The following VPS26B variants were observed in gnomAD, a reference collection of about 807,000 sequenced individuals.
VPS26B encodes VPS26 retromer complex component B.
In VPS26B, 10 loss-of-function variants were observed where a neutral mutation model predicts 33.3. The ratio of observed to expected loss-of-function variants is 0.30; its 90% confidence interval spans 0.19 to 0.51. The LOEUF is 0.51. Ranked by LOEUF, VPS26B falls within the 20% of genes least tolerant of loss-of-function variation. The probability of loss-of-function intolerance (pLI) is 0.98; values close to 1 mark genes in which losing one functional copy is unlikely to be tolerated. For synonymous variants in VPS26B, 190 were observed against 176.9 expected (o/e 1.07, Z -0.59); for missense variants, 317 against 452.7 (o/e 0.70, Z 2.72).
intron 2 of VPS26B, among the ~76,000 whole-genome samples, chr11:134,237,610 G>A (rs920598497): frequency 2.6e-5 from 4 of 152,216 alleles, no homozygotes; most frequent in African/African-American, 9.7e-5. Context: ...AGCACAAGGA[G>A]AGGAGAGCCA....
Position 134,225,225 on chromosome 11 carries a change from G to A in VPS26B, c.103G>A (p.Glu35Lys), listed in dbSNP as rs1425956800. 5.0e-6 allele frequency: 8 copies of A among 1,614,044 alleles called. No individual in the cohort carries two copies. The highest frequency in any genetic ancestry group is 1.7e-5 in the Admixed American group (1 of 60,012). Residue 35 changes from glutamate to lysine, a missense_variant, in exon 1 of 6, where the codon GAG becomes AAG. Glu to Lys is a moderately conservative substitution (Grantham distance 56). Coordinates refer to ENST00000281187, the MANE Select transcript of VPS26B (RefSeq NM_052875.5). ...AEHKTEDGKK[E>K]KYFLFYDGET... The stretch of plus-strand genomic sequence containing the variant: ...GCACAAGACGGAGGACGGGAAGAAG[G>A]AGAAATATTTCCTCTTCTACGACGG...
Position 134,225,282 on chromosome 11 carries a change from C to T in VPS26B, c.160C>T (p.Leu54Phe), listed in dbSNP as rs1938428367. The T allele has an allele frequency of 6.2e-7, 1 of 1,614,058 alleles. No individual in the cohort carries two copies. Among genetic ancestry groups the T allele is most frequent in the African/African-American group, 1.3e-5 (1 of 74,938 alleles). The change falls in exon 1 of 6, where the codon CTC (leucine) becomes TTC (phenylalanine). Residue 54 changes from leucine to phenylalanine, a missense_variant. Coordinates refer to ENST00000281187, the MANE Select transcript of VPS26B (RefSeq NM_052875.5). Reference protein sequence around the residue: ...ETVSGKVSLALKNPNKRLEHQ... With the variant: ...ETVSGKVSLAFKNPNKRLEHQ... Reference sequence around the variant, plus strand: ...GGTCTCCGGGAAGGTGAGCCTTGCCCTCAAGAACCCCAACAAGCGGCTGGA... The same window carrying T: ...GGTCTCCGGGAAGGTGAGCCTTGCCTTCAAGAACCCCAACAAGCGGCTGGA...
intron 3 of VPS26B, among the ~76,000 whole-genome samples, chr11:134,242,058 A>G (rs576078172): frequency 1.3e-5 from 2 of 152,334 alleles, no homozygotes; most frequent in East Asian, 3.9e-4. Context: ...GCTTACACCT[A>G]GAGCAGCTTT....
chr11:134,243,916 C>T (rs577411228), intron 4 of VPS26B: 7 of 152,396 alleles, frequency 4.6e-5, no homozygotes, highest in African/African-American at 1.2e-4. Flanking sequence ...TTACATTCTT[C>T]ATTGGCTCTT....
chr11:134,245,555 C>G lies in VPS26B; in HGVS notation c.976C>G (p.Pro326Ala). The change falls in exon 6 of 6, where the codon CCC (proline) becomes GCC (alanine). Residue 326 changes from proline to alanine, a missense_variant. Transcript: ENST00000281187. This position sits in a 1 kb window ranked among gnomAD's most constrained non-coding sequence, Gnocchi z 4.7. ...GTTSLGEVRT[P>A]SQLSDNNCRQ is the part of the protein sequence containing the mutation. ...CACCTCCCTGGGTGAGGTGCGGACC[C>G]CCAGCCAGCTGTCTGACAACAACTG... 2 of 1,612,892 alleles carry G rather than the reference C, an allele frequency of 1.2e-6. No individual in the cohort carries two copies. Among genetic ancestry groups the G allele is most frequent in the Non-Finnish European group, 1.7e-6 (2 of 1,179,928 alleles).
At chr11:134,237,695 G>C (rs1329586234) in intron 2 of VPS26B, among the ~76,000 whole-genome samples, 1 of 152,154 alleles carries the variant, frequency 6.6e-6, no homozygotes, top group Non-Finnish European at 1.5e-5. Context: ...CGCGGGAAGA[G>C]TGTTTCAAGG....
intron 1 of VPS26B, among the ~76,000 whole-genome samples, chr11:134,232,939 G>A (rs1033782895): frequency 2.0e-5 from 3 of 152,118 alleles, no homozygotes; most frequent in Non-Finnish European, 4.4e-5. Context: ...CCGCGGCTCC[G>A]CTTCTGCCTG....
chr11:134,241,724 C>T (rs567483716), intron 3 of VPS26B, among the ~76,000 whole-genome samples: 2 of 152,314 alleles, frequency 1.3e-5, no homozygotes, highest in Non-Finnish European at 2.9e-5. Context: ...GAGGCAGGGA[C>T]GGGACACTTT....
chr11:134,242,489 G>A (rs996106999), intron 3 of VPS26B, among the ~76,000 whole-genome samples: 2 of 152,206 alleles, frequency 1.3e-5, no homozygotes, highest in Non-Finnish European at 2.9e-5. Context: ...TGCCTGATAC[G>A]GGCTGTGCAC....
In VPS26B at chr11:134,240,331, C is replaced by T. The variant is rs1482385743; in HGVS notation, c.545+176C>T. Among the ~76,000 whole-genome samples, 1 of 152,090 alleles carries T rather than the reference C, an allele frequency of 6.6e-6. No homozygotes were observed. Among genetic ancestry groups the T allele is most frequent in the African/African-American group, 2.4e-5 (1 of 41,414 alleles). On this transcript the variant is annotated intron_variant, in intron 3 of 5. Transcript: ENST00000281187. The surrounding 1 kb of genome is among the most constrained non-coding windows in gnomAD (Gnocchi z 4.4). ...CTATGGCAGGCCAGCTGCAGCTGGA[C>T]CGACCACGACGTAAACACTTCATTT...
intron 1 of VPS26B, among the ~76,000 whole-genome samples, chr11:134,233,124 A>G (rs1397007882): frequency 6.6e-6 from 1 of 152,190 alleles, no homozygotes; most frequent in Non-Finnish European, 1.5e-5. Context: ...ATTGTTTGTA[A>G]TAAAAGATTG....
chr11:134,238,832 T>A (rs1170507438), intron 2 of VPS26B, among the ~76,000 whole-genome samples: 1 of 151,956 alleles, frequency 6.6e-6, no homozygotes, highest in East Asian at 1.9e-4. Flanking sequence ...CCTGACCTCG[T>A]GATCCGCCCG....
Position 134,245,328 on chromosome 11 carries a change from G to A in VPS26B, c.865-116G>A. 2 of 1,469,096 alleles carry A rather than the reference G, an allele frequency of 1.4e-6. No homozygotes were observed. The highest frequency in any genetic ancestry group is 1.8e-6 in the Non-Finnish European group (2 of 1,082,434). 91.0% of individuals were successfully genotyped at this position (1,469,096 alleles called of 1,614,324 possible). Reference sequence around the variant, plus strand: ...CTGGCAGCTGCTGCCTTTGGTGAGAGAGAAGCAGAGGAGGTCCTTGCCCGA... The same window carrying A: ...CTGGCAGCTGCTGCCTTTGGTGAGAAAGAAGCAGAGGAGGTCCTTGCCCGA... On this transcript the variant is annotated intron_variant, in intron 5 of 5. Coordinates refer to ENST00000281187, the MANE Select transcript of VPS26B (RefSeq NM_052875.5). The surrounding 1 kb of genome is among the most constrained non-coding windows in gnomAD (Gnocchi z 4.7).
chr11:134,240,774 C>T lies in VPS26B; in HGVS notation c.545+619C>T, dbSNP rs964212071. ...CCGCCACACCCAGCTAATTTGTGTC[C>T]GTGTGTGTGTGTGTGTGTCCGTGTG... On this transcript the variant is annotated intron_variant, in intron 3 of 5. Transcript: ENST00000281187. This position sits in a 1 kb window ranked among gnomAD's most constrained non-coding sequence, Gnocchi z 4.4. Among the ~76,000 whole-genome samples, 6 of 138,014 alleles carry T rather than the reference C, an allele frequency of 4.3e-5. No homozygotes were observed. Among genetic ancestry groups the T allele is most frequent in the African/African-American group, 1.3e-4 (5 of 37,796 alleles). The allele number at this position is 138,014 out of a possible 152,430, so 90.5% of individuals were successfully genotyped here.
At chr11:134,239,493 A>G (rs1033986297) in intron 2 of VPS26B, among the ~76,000 whole-genome samples, 4 of 152,228 alleles carry the variant, frequency 2.6e-5, no homozygotes, top group Non-Finnish European at 5.9e-5. Flanking sequence ...AACTTAAGAA[A>G]GGTTTATTGG....
chr11:134,231,628 A>G (rs1367249056), intron 1 of VPS26B, among the ~76,000 whole-genome samples: 1 of 151,602 alleles, frequency 6.6e-6, no homozygotes, highest in Non-Finnish European at 1.5e-5. Flanking sequence ...GCAATGGCAC[A>G]ATCTCAGCTC....
intron 2 of VPS26B, among the ~76,000 whole-genome samples, chr11:134,238,817 G>C (rs991605788): frequency 2.0e-5 from 3 of 151,788 alleles, no homozygotes; most frequent in Admixed American, 6.6e-5. Context: ...GGATGGTCTC[G>C]ATCTCCTGAC....
At position 134,235,115 on chromosome 11, in the gene VPS26B, T is replaced by C. The variant is rs576142266; in HGVS notation, c.380+62T>C. 7.0e-5 allele frequency: 108 copies of C among 1,548,828 alleles called. 1 individual carries two copies. The African/African-American group carries it at 1.3e-3, about 19-fold the overall frequency. The stretch of plus-strand genomic sequence containing the variant: ...AACCTGCCCCATGTGGACAAGGACC[T>C]GAGGCCGTCCCCACTTTGAGAATCT... On this transcript the variant is annotated intron_variant, in intron 2 of 5. Coordinates refer to ENST00000281187, the MANE Select transcript of VPS26B (RefSeq NM_052875.5).
In VPS26B at chr11:134,225,295, A is replaced by G. The variant is rs1023897341; in HGVS notation, c.173A>G (p.Asn58Ser). 13 of 1,613,804 alleles carry G rather than the reference A, an allele frequency of 8.1e-6. No individual in the cohort carries two copies. The highest frequency in any genetic ancestry group is 3.3e-5 in the Admixed American group (2 of 59,994). Reference protein sequence around the residue: ...GKVSLALKNPNKRLEHQGIKI... With the variant: ...GKVSLALKNPSKRLEHQGIKI... ...GTGAGCCTTGCCCTCAAGAACCCCA[A>G]CAAGCGGCTGGAGCACCAGGGCATC... The change falls in exon 1 of 6, where the codon AAC (asparagine) becomes AGC (serine). Residue 58 changes from asparagine (N) to serine (S), a missense_variant. By Grantham distance (46) the Asn-to-Ser change is conservative (BLOSUM62 1). Transcript: ENST00000281187.
Sources: gnomAD v4.1 joint callset for allele counts (sites outside exome capture counted in the v4.1 genomes callset) on GRCh38, gnomAD v4.1.1 for gene constraint, Gnocchi (gnomAD v3.1) non-coding constraint, MANE v1.5 for transcripts, NCBI Gene and HGNC (gene_info 2026-07-23, HGNC 2026-07-21) for gene names.